The following PPM1E variants were observed in gnomAD, a reference collection of about 807,000 sequenced individuals.
The protein encoded by PPM1E is protein phosphatase, Mg2+/Mn2+ dependent 1E, also known as protein phosphatase 1E.
In PPM1E, 20 loss-of-function variants were observed where a neutral mutation model predicts 65.9. The observed-to-expected ratio is 0.30, with a 90% CI of 0.21 to 0.44. The LOEUF (loss-of-function observed/expected upper bound fraction) is 0.44, where lower values mean the gene tolerates loss of function less well. PPM1E is among the 20% of genes least tolerant of loss of function. PPM1E has a pLI of 1.00. For missense variants in PPM1E, 713 were observed against 953.1 expected, an observed-to-expected ratio of 0.75 and a Z score of 3.32; for synonymous variants, 352 against 374.9, an observed-to-expected ratio of 0.94 and a Z score of 0.70.
At chr17:58,805,610 T>C (rs2050297936) in intron 1 of PPM1E, among the ~76,000 whole-genome samples, 1 of 152,128 alleles carries the variant, frequency 6.6e-6, no homozygotes, top group South Asian at 2.1e-4. Context: ...ATTATCATTA[T>C]ATAGATACAC....
chr17:58,972,030 G>T, intron 4 of PPM1E, 102 bp from the exon 5 acceptor site: 2 of 1,114,140 alleles, frequency 1.8e-6, no homozygotes, highest in Non-Finnish European at 1.3e-6. Context: ...ATTATTAATA[G>T]TATAGCTCCC....
intron 1 of PPM1E, among the ~76,000 whole-genome samples, chr17:58,938,787 CTTTT>C (rs565049669): frequency 1.6e-5 from 2 of 125,166 alleles, no homozygotes; most frequent in African/African-American, 3.0e-5. Flanking sequence ...TACACTAATT[CTTTT>C]TTTTTTTTTT....
chr17:58,897,371 G>T (rs995030603), intron 1 of PPM1E, among the ~76,000 whole-genome samples: 1 of 150,888 alleles, frequency 6.6e-6, no homozygotes, highest in Non-Finnish European at 1.5e-5. Flanking sequence ...CCGAGATTGC[G>T]CCACTGCACT....
intron 1 of PPM1E, among the ~76,000 whole-genome samples, chr17:58,839,675 A>G (rs1416213291): frequency 6.6e-6 from 1 of 152,116 alleles, no homozygotes; most frequent in Non-Finnish European, 1.5e-5. Flanking sequence ...TGGAAATTTT[A>G]TGTACACTAA....
In PPM1E at chr17:58,839,706, G is replaced by A. The variant is rs561740140; in HGVS notation, c.464+83245G>A. ...ACTAACATTGACCAAGAAGAAAATA[G>A]ATAGCAGATAGTGGGAGCCAGGTTT... On this transcript the variant is annotated intron_variant, in intron 1 of 6. Transcript: ENST00000308249. Among the ~76,000 whole-genome samples, 5 of 152,274 alleles carry A rather than the reference G, an allele frequency of 3.3e-5. No homozygotes were observed. In the South Asian group the frequency reaches 1.0e-3, roughly 32 times the overall value.
intron 1 of PPM1E, among the ~76,000 whole-genome samples, chr17:58,836,252 TA>T (rs1291364796): frequency 2.0e-5 from 3 of 152,050 alleles, no homozygotes; most frequent in Non-Finnish European, 4.4e-5. Context: ...TTACCCAGAT[TA>T]AAATTCTTTC....
chr17:58,827,878 G>A (rs2050556353), intron 1 of PPM1E, among the ~76,000 whole-genome samples: 1 of 143,176 alleles, frequency 7.0e-6, no homozygotes, highest in Admixed American at 7.2e-5. Flanking sequence ...CTCCAACCTG[G>A]GCGACAGAGC....
chr17:58,817,815 G>A (rs1018446030), intron 1 of PPM1E, among the ~76,000 whole-genome samples: 1 of 151,514 alleles, frequency 6.6e-6, no homozygotes, highest in Admixed American at 6.6e-5. Flanking sequence ...GCAGTGGCAC[G>A]ATCTCCGCTC....
At chr17:58,838,673 A>G (rs891188690) in intron 1 of PPM1E, among the ~76,000 whole-genome samples, 3 of 152,228 alleles carry the variant, frequency 2.0e-5, no homozygotes, top group South Asian at 2.1e-4. Context: ...TTCTAGGTGC[A>G]ATAGACATAC....
chr17:58,882,719 G>A (rs2051211495), intron 1 of PPM1E, among the ~76,000 whole-genome samples: 6 of 151,698 alleles, frequency 4.0e-5, no homozygotes, highest in Admixed American at 3.3e-4. Flanking sequence ...ATGAAATGTA[G>A]AGGTCTTTCC....
At chr17:58,796,192 T>C (rs989624254) in intron 1 of PPM1E, among the ~76,000 whole-genome samples, 1 of 152,162 alleles carries the variant, frequency 6.6e-6, no homozygotes, top group East Asian at 1.9e-4. Context: ...TACAGATGCA[T>C]GCCACCATTG....
chr17:58,811,300 G>A (rs537887628), intron 1 of PPM1E, among the ~76,000 whole-genome samples: 5 of 152,070 alleles, frequency 3.3e-5, no homozygotes, highest in African/African-American at 4.8e-5. Flanking sequence ...TGGAATGGAC[G>A]GTGTTAAATA....
At chr17:58,867,721 T>G (rs998722817) in intron 1 of PPM1E, among the ~76,000 whole-genome samples, 9 of 152,200 alleles carry the variant, frequency 5.9e-5, no homozygotes, top group African/African-American at 2.2e-4. Context: ...AGGATCAGAT[T>G]TGGAAAAATT....
At chr17:58,977,885 C>T (rs572039201) in intron 6 of PPM1E, among the ~76,000 whole-genome samples, 1 of 152,166 alleles carries the variant, frequency 6.6e-6, no homozygotes, top group South Asian at 2.1e-4. Context: ...TGGGACTTTG[C>T]ATGCATGCCA....
intron 1 of PPM1E, among the ~76,000 whole-genome samples, chr17:58,869,012 C>CA (rs1257344253): frequency 1.3e-5 from 2 of 151,692 alleles, no homozygotes; most frequent in African/African-American, 2.4e-5. Flanking sequence ...ACTAAAAATA[C>CA]AAAAAAAATT....
At chr17:58,892,576 C>T (rs900991441) in intron 1 of PPM1E, among the ~76,000 whole-genome samples, 2 of 151,604 alleles carry the variant, frequency 1.3e-5, no homozygotes, top group African/African-American at 4.8e-5. Flanking sequence ...AACCCTGTCT[C>T]AAAAAAATAA....
chr17:58,984,816 T>C lies in PPM1E; in HGVS notation c.*3785T>C, dbSNP rs1215728650. 1 of 152,374 alleles carries C rather than the reference T, an allele frequency of 6.6e-6. No homozygotes were observed. Among genetic ancestry groups the C allele is most frequent in the African/African-American group, 2.4e-5 (1 of 41,444 alleles). The allele number at this position is 152,374 out of a possible 1,614,324, so 9.4% of individuals were successfully genotyped here. ...TATTTATTGTAATAATTAGAAAACA[T>C]GAAATAGGGAACTCCAGACTGACAC... On this transcript the variant is annotated 3_prime_UTR_variant, in exon 7 of 7. Transcript: ENST00000308249.
At chr17:58,872,704 C>G (rs940367142) in intron 1 of PPM1E, among the ~76,000 whole-genome samples, 44 of 152,278 alleles carry the variant, frequency 2.9e-4, no homozygotes, top group Middle Eastern at 3.4e-3. Flanking sequence ...CTACTAAAAA[C>G]AAAAATGACA....
chr17:58,786,205 G>T (rs180745754), intron 1 of PPM1E, among the ~76,000 whole-genome samples: 2 of 151,790 alleles, frequency 1.3e-5, no homozygotes, highest in East Asian at 3.9e-4. Context: ...TAGTAGAGAC[G>T]GGGTTTCACC....
Sources: allele counts gnomAD v4.1 joint callset (sites outside exome capture counted in the v4.1 genomes callset), GRCh38; gene constraint gnomAD v4.1.1; transcripts MANE v1.5; gene names NCBI Gene and HGNC (gene_info 2026-07-23, HGNC 2026-07-21).